The following IGF1 variants were observed in gnomAD, a reference collection of about 807,000 sequenced individuals.
The protein encoded by IGF1 is insulin like growth factor 1.
In IGF1, 4 loss-of-function variants were observed where a neutral mutation model predicts 13.8. The ratio of observed to expected loss-of-function variants is 0.29; its 90% CI spans 0.14 to 0.66. The LOEUF (loss-of-function observed/expected upper bound fraction) is 0.66. IGF1 is among the 30% of genes least tolerant of loss of function. The probability of loss-of-function intolerance (pLI) is 0.78; values close to 1 mark genes in which losing one functional copy is unlikely to be tolerated. For synonymous variants in IGF1, 76 were observed against 72.6 expected (o/e 1.05, Z -0.23); for missense variants, 124 against 188.5 (o/e 0.66, Z 2.00).
At chr12:102,412,027 A>G (rs1874687919) in intron 3 of IGF1, among the ~76,000 whole-genome samples, 1 of 152,142 alleles carries the variant, frequency 6.6e-6, no homozygotes, top group Admixed American at 6.5e-5. Context: ...AAAATTGCAA[A>G]TTGGTTCTAT....
At chr12:102,442,804 A>G (rs908228500) in intron 2 of IGF1, among the ~76,000 whole-genome samples, 1 of 152,164 alleles carries the variant, frequency 6.6e-6, no homozygotes, top group Non-Finnish European at 1.5e-5. Flanking sequence ...GCCCAAGTTG[A>G]TATAAACTGT....
chr12:102,448,713 A>T (rs977927351), intron 2 of IGF1, among the ~76,000 whole-genome samples: 33 of 118,442 alleles, frequency 2.8e-4, no homozygotes, highest in Non-Finnish European at 5.2e-4. Context: ...AAAAAAAAAA[A>T]AAATCTCATC....
At chr12:102,444,830 A>G (rs189336034) in intron 2 of IGF1, among the ~76,000 whole-genome samples, 4 of 152,246 alleles carry the variant, frequency 2.6e-5, no homozygotes, top group South Asian at 4.2e-4. Flanking sequence ...ATAAATAACT[A>G]TGATATAAAG....
At chr12:102,428,236 G>GTATGTATATATATATATATATATA (rs1555241571) in intron 2 of IGF1, among the ~76,000 whole-genome samples, 1 of 69,478 alleles carries the variant, frequency 1.4e-5, no homozygotes, top group African/African-American at 4.3e-5. Context: ...TCAATAATGT[G>GTATGTATATATATATATATATATA]TATATATATA....
intron 1 of IGF1, among the ~76,000 whole-genome samples, chr12:102,476,933 G>T (rs533455508): frequency 6.6e-6 from 1 of 152,264 alleles, no homozygotes; most frequent in African/African-American, 2.4e-5. Context: ...TTTCCAAGAA[G>T]CCTCTCAAGG....
chr12:102,441,906 G>GCTTCTTCTTCTTCTT (rs770800968), intron 2 of IGF1, among the ~76,000 whole-genome samples: 1 of 100,292 alleles, frequency 1.0e-5, no homozygotes, highest in Non-Finnish European at 2.1e-5. Flanking sequence ...CTATTACACT[G>GCTTCTTCTTCTTCTT]CTTCTTCTCC....
chr12:102,452,350 T>G (rs1879039713), intron 2 of IGF1, among the ~76,000 whole-genome samples: 1 of 149,838 alleles, frequency 6.7e-6, no homozygotes, highest in Non-Finnish European at 1.5e-5. Flanking sequence ...CATGTGGAAC[T>G]GTGAGTCAAT....
chr12:102,475,927 G>A, intron 1 of IGF1, 128 bp from the exon 2 acceptor site: 1 of 974,122 alleles, frequency 1.0e-6, no homozygotes, highest in Non-Finnish European at 1.6e-6. Context: ...CAGCACAGAA[G>A]CCAATAGAGT....
intron 2 of IGF1, among the ~76,000 whole-genome samples, chr12:102,469,384 C>A (rs550103453): frequency 6.6e-6 from 1 of 152,282 alleles, no homozygotes; most frequent in African/African-American, 2.4e-5. Context: ...TGAAGTTGGG[C>A]AGAAGAGAAG....
chr12:102,436,448 A>G (rs984266419), intron 2 of IGF1, among the ~76,000 whole-genome samples: 23 of 152,242 alleles, frequency 1.5e-4, no homozygotes, highest in African/African-American at 5.3e-4. Context: ...AATTCAGCTC[A>G]GAAGACAGAC....
chr12:102,441,924 T>TC (rs1491526907), intron 2 of IGF1, among the ~76,000 whole-genome samples: 1 of 125,426 alleles, frequency 8.0e-6, no homozygotes, highest in Non-Finnish European at 1.7e-5. Context: ...TCCTTCTTCT[T>TC]CTTCTTCTTC....
intron 2 of IGF1, among the ~76,000 whole-genome samples, chr12:102,419,899 A>G (rs1009883198): frequency 6.6e-6 from 1 of 152,116 alleles, no homozygotes; most frequent in African/African-American, 2.4e-5. Context: ...ACTCATTAGC[A>G]CTAACTCATT....
chr12:102,408,315 A>G lies in IGF1; in HGVS notation c.403-5749T>C, dbSNP rs180683966. On this transcript the variant is annotated intron_variant, in intron 3 of 3. Transcript: ENST00000337514. ...TTTAGATGTCTCAGTATCAACTTTG[A>G]TATCTCTTTACTTCAGGGAATCACA... 2.5e-4 allele frequency among the ~76,000 whole-genome samples: 38 copies of G among 152,268 alleles called. No homozygotes were observed. In the East Asian group the frequency reaches 5.8e-3, roughly 23 times the overall value.
At chr12:102,412,140 A>G (rs895015755) in intron 3 of IGF1, among the ~76,000 whole-genome samples, 4 of 152,286 alleles carry the variant, frequency 2.6e-5, no homozygotes, top group Admixed American at 2.6e-4. Context: ...ATACAATAAA[A>G]AGAAAACCAA....
chr12:102,448,768 C>T (rs1034470663), intron 2 of IGF1, among the ~76,000 whole-genome samples: 7 of 146,338 alleles, frequency 4.8e-5, no homozygotes, highest in Admixed American at 1.4e-4. Flanking sequence ...CAAAAGAAGA[C>T]GTATATGCAG....
upstream of IGF1, chr12:102,480,596 C>T (rs80354430): frequency 7.1e-7 from 1 of 1,402,434 alleles, no homozygotes; most frequent in South Asian, 1.5e-5. Context: ...CATTTATCTA[C>T]AAAACACAGA....
At chr12:102,471,278 A>C (rs1880668897) in intron 2 of IGF1, among the ~76,000 whole-genome samples, 1 of 152,186 alleles carries the variant, frequency 6.6e-6, no homozygotes, top group Non-Finnish European at 1.5e-5. Flanking sequence ...TGTTAAATAC[A>C]ACCTAGACTA....
rs1180940405 is a variant in IGF1, at chr12:102,441,958, T to TTCTTCTTCTTCTTCTTCTTCTTC, written c.221-22269_221-22268insGAAGAAGAAGAAGAAGAAGAAGA. ...TCTTCTTCTTCTTCTTCTTCTTCTT[T>TTCTTCTTCTTCTTCTTCTTCTTC]TTTTTTTTTGAGACAGGGTTTTGCA... is the stretch of plus-strand genomic sequence containing the variant. On this transcript the variant is annotated intron_variant, in intron 2 of 3. Coordinates refer to ENST00000337514, the MANE Select transcript of IGF1 (RefSeq NM_000618.5). Among the ~76,000 whole-genome samples the TTCTTCTTCTTCTTCTTCTTCTTC allele has an allele frequency of 9.0e-3, 371 of 41,044 alleles. 2 individuals are homozygous for TTCTTCTTCTTCTTCTTCTTCTTC. The highest frequency in any genetic ancestry group is 0.012 in the South Asian group (15 of 1,224). The allele number at this position is 41,044 out of a possible 152,430, so 26.9% of individuals were successfully genotyped here. A position where few individuals can be genotyped will look rare whatever the true frequency, so the allele number is the denominator to read the frequency against.
intron 2 of IGF1, among the ~76,000 whole-genome samples, chr12:102,441,958 T>TCCTTCTCCTTCTCC (rs1555244184): frequency 2.4e-5 from 1 of 41,162 alleles, no homozygotes; most frequent in African/African-American, 1.0e-4. Context: ...TCTTCTTCTT[T>TCCTTCTCCTTCTCC]TTTTTTTTTG....
Sources: allele counts gnomAD v4.1 joint callset (sites outside exome capture counted in the v4.1 genomes callset), GRCh38; gene constraint gnomAD v4.1.1; transcripts MANE v1.5; gene names NCBI Gene and HGNC (gene_info 2026-07-23, HGNC 2026-07-21).